Variants in TNFAIP8 observed in about 807,000 individuals in gnomAD.
The protein encoded by TNFAIP8 is tumor necrosis factor alpha-induced protein 8.
In TNFAIP8, 7 loss-of-function variants were observed where a neutral mutation model predicts 13.3. The observed-to-expected ratio is 0.52, with a 90% CI of 0.30 to 0.99. The LOEUF (loss-of-function observed/expected upper bound fraction) is 0.99, where lower values mean the gene tolerates loss of function less well. Ranked by LOEUF, TNFAIP8 falls within the 50% of genes least tolerant of loss-of-function variation. The probability of loss-of-function intolerance (pLI) is 0.07; values close to 1 mark genes in which losing one functional copy is unlikely to be tolerated. For synonymous variants in TNFAIP8, 94 were observed against 87.6 expected (o/e 1.07, Z -0.41); for missense variants, 258 against 236.9 (o/e 1.09, Z -0.58).
intron 1 of TNFAIP8, among the ~76,000 whole-genome samples, chr5:119,275,971 A>T (rs148061862): frequency 3.9e-5 from 6 of 152,230 alleles, no homozygotes; most frequent in African/African-American, 1.2e-4. Flanking sequence ...TTTCAGCCTT[A>T]CCATTAGGGA....
intron 1 of TNFAIP8, among the ~76,000 whole-genome samples, chr5:119,310,566 G>T (rs1749697822): frequency 6.6e-6 from 1 of 152,160 alleles, no homozygotes. Flanking sequence ...CAGGTGCGGT[G>T]GCTCACACCT....
chr5:119,355,802 G>A (rs1396121751), upstream of TNFAIP8: 12 of 656,582 alleles, frequency 1.8e-5, no homozygotes, highest in Admixed American at 5.7e-5. Flanking sequence ...CGTGCGCCCG[G>A]GCCGAGCCAG....
At chr5:119,389,154 AG>A (rs1752797363) in intron 1 of TNFAIP8, among the ~76,000 whole-genome samples, 2 of 152,152 alleles carry the variant, frequency 1.3e-5, no homozygotes, top group African/African-American at 2.4e-5. Flanking sequence ...GATTTGATTG[AG>A]CAAAAGGTTG....
intron 1 of TNFAIP8, among the ~76,000 whole-genome samples, chr5:119,348,659 T>C (rs188533226): frequency 6.6e-6 from 1 of 152,156 alleles, no homozygotes; most frequent in East Asian, 1.9e-4. Context: ...GGTGGGTGGA[T>C]CACCTGAGGT....
chr5:119,375,961 T>C (rs1315167751), intron 1 of TNFAIP8, among the ~76,000 whole-genome samples: 1 of 152,140 alleles, frequency 6.6e-6, no homozygotes, highest in Non-Finnish European at 1.5e-5. Flanking sequence ...TTTCAAAGTG[T>C]GGGTTATTCA....
At chr5:119,391,759 C>CAAAAA (rs1189646198) in intron 1 of TNFAIP8, among the ~76,000 whole-genome samples, 1 of 79,520 alleles carries the variant, frequency 1.3e-5, no homozygotes, top group South Asian at 4.6e-4. Flanking sequence ...AACTCCGTCT[C>CAAAAA]AAAAAAAAAA....
intron 1 of TNFAIP8, among the ~76,000 whole-genome samples, chr5:119,286,360 G>A (rs1176290955): frequency 1.3e-5 from 2 of 152,172 alleles, no homozygotes; most frequent in Non-Finnish European, 2.9e-5. Flanking sequence ...GGTGGCTCAC[G>A]CCTGTAATCC....
intron 1 of TNFAIP8, among the ~76,000 whole-genome samples, chr5:119,283,018 G>T (rs1020635395): frequency 2.0e-5 from 3 of 152,218 alleles, no homozygotes; most frequent in African/African-American, 7.2e-5. Flanking sequence ...CTCCTGGTCG[G>T]TCATACATTT....
intron 1 of TNFAIP8, among the ~76,000 whole-genome samples, chr5:119,350,927 T>TA: frequency 6.6e-6 from 1 of 151,432 alleles, no homozygotes; most frequent in East Asian, 1.9e-4. Flanking sequence ...GTCCCTGACT[T>TA]ACAATTTTTT....
chr5:119,269,806 A>T (rs1016315589), intron 1 of TNFAIP8, among the ~76,000 whole-genome samples: 6 of 151,862 alleles, frequency 4.0e-5, no homozygotes, highest in African/African-American at 1.5e-4. Context: ...TTATGGGGGG[A>T]GGTGGGGGTC....
chr5:119,301,417 A>G (rs1372400813), intron 1 of TNFAIP8, among the ~76,000 whole-genome samples: 2 of 152,218 alleles, frequency 1.3e-5, no homozygotes, highest in Non-Finnish European at 2.9e-5. Context: ...ATAAAAAAAA[A>G]TCATCTCCTA....
chr5:119,330,721 C>T (rs999098030), intron 1 of TNFAIP8, among the ~76,000 whole-genome samples: 2 of 152,098 alleles, frequency 1.3e-5, no homozygotes, highest in African/African-American at 2.4e-5. Context: ...TACACACACA[C>T]GGAAGGGAAG....
At chr5:119,307,200 A>G (rs1749593146) in intron 1 of TNFAIP8, among the ~76,000 whole-genome samples, 1 of 152,184 alleles carries the variant, frequency 6.6e-6, no homozygotes, top group Non-Finnish European at 1.5e-5. Context: ...TTCTAAATCC[A>G]TATTAAGATA....
At chr5:119,311,728 T>C (rs1181865218) in intron 1 of TNFAIP8, among the ~76,000 whole-genome samples, 1 of 138,720 alleles carries the variant, frequency 7.2e-6, no homozygotes, top group African/African-American at 2.7e-5. Flanking sequence ...TGAACTCATA[T>C]CAATGGAACG....
At position 119,395,270 on chromosome 5, in the gene TNFAIP8, C is replaced by T. The variant is rs534931003; in HGVS notation, c.*1889C>T. 1 of 152,416 alleles carries T rather than the reference C, an allele frequency of 6.6e-6. No homozygotes were observed. The highest frequency in any genetic ancestry group is 2.4e-5 in the African/African-American group (1 of 41,578). 9.4% of individuals were successfully genotyped at this position (152,416 alleles called of 1,614,324 possible). A position where few individuals can be genotyped will look rare whatever the true frequency, so the allele number is the denominator to read the frequency against. ...TGCTAAGTGGCTTATAAATGGAATT[C>T]AGCAGCCTTCCTTGACCAGCTGTTT... On this transcript the variant is annotated 3_prime_UTR_variant, in exon 2 of 2. Transcript: ENST00000504771.
At chr5:119,357,898 G>C (rs907772646) in intron 1 of TNFAIP8, among the ~76,000 whole-genome samples, 1 of 152,060 alleles carries the variant, frequency 6.6e-6, no homozygotes, top group Non-Finnish European at 1.5e-5. Flanking sequence ...TAATCAGATA[G>C]AATCATATAG....
chr5:119,340,305 A>G (rs1362183172), intron 1 of TNFAIP8, among the ~76,000 whole-genome samples: 1 of 152,276 alleles, frequency 6.6e-6, no homozygotes, highest in Middle Eastern at 3.4e-3. Context: ...TTTCACCCAG[A>G]CCCTAACAAG....
intron 1 of TNFAIP8, among the ~76,000 whole-genome samples, chr5:119,339,545 A>C (rs1291806825): frequency 7.0e-6 from 1 of 143,400 alleles, no homozygotes; most frequent in African/African-American, 2.6e-5. Context: ...TGTATATGGG[A>C]TTGCCAACCC....
intron 1 of TNFAIP8, among the ~76,000 whole-genome samples, chr5:119,338,032 G>A (rs936995794): frequency 2.6e-5 from 4 of 152,154 alleles, no homozygotes; most frequent in African/African-American, 9.7e-5. Flanking sequence ...GCTAACTGCT[G>A]AATAATGTTC....
Sources: gnomAD v4.1 joint callset for allele counts (sites outside exome capture counted in the v4.1 genomes callset) on GRCh38, gnomAD v4.1.1 for gene constraint, MANE v1.5 for transcripts, NCBI Gene and HGNC (gene_info 2026-07-23, HGNC 2026-07-21) for gene names.